DGKI: variants seen among roughly 807,000 people sequenced by gnomAD.
DGKI encodes the protein DAG kinase iota.
Under a neutral mutation model 147.5 loss-of-function variants are expected in DGKI, and 55 were observed. The observed-to-expected ratio is 0.37, with a 90% CI of 0.30 to 0.47. The LOEUF (loss-of-function observed/expected upper bound fraction) is 0.47, where lower values mean the gene tolerates loss of function less well. Among genes scored for constraint, DGKI ranks in the 20% least tolerant of loss-of-function variants. The probability of loss-of-function intolerance (pLI) is 1.00; values close to 1 mark genes in which losing one functional copy is unlikely to be tolerated. For synonymous variants in DGKI, 469 were observed against 477.1 expected (o/e 0.98, Z 0.22); for missense variants, 1,007 against 1,323.8 (o/e 0.76, Z 3.71).
At chr7:137,573,840 G>T (rs2128977204) in intron 17 of DGKI, among the ~76,000 whole-genome samples, 1 of 152,310 alleles carries the variant, frequency 6.6e-6, no homozygotes, top group Middle Eastern at 3.4e-3. Context: ...TTCTGCAAGG[G>T]TATCATCCTT....
At chr7:137,779,912 T>A (rs555355934) in intron 1 of DGKI, among the ~76,000 whole-genome samples, 1 of 152,258 alleles carries the variant, frequency 6.6e-6, no homozygotes, top group South Asian at 2.1e-4. Flanking sequence ...TGAGAGATGA[T>A]GAAGGAGTGA....
At chr7:137,400,030 C>A (rs888060236) in intron 30 of DGKI, among the ~76,000 whole-genome samples, 12 of 152,160 alleles carry the variant, frequency 7.9e-5, no homozygotes, top group African/African-American at 2.4e-4. Context: ...TATTCTCTGT[C>A]CTGATACAGC....
intron 1 of DGKI, among the ~76,000 whole-genome samples, chr7:137,742,597 G>A (rs1453265896): frequency 6.6e-6 from 1 of 152,108 alleles, no homozygotes; most frequent in Non-Finnish European, 1.5e-5. Flanking sequence ...TCAGAGACAG[G>A]TTTGGACCCA....
At chr7:137,786,689 A>C (rs1274919049) in intron 1 of DGKI, among the ~76,000 whole-genome samples, 2 of 152,080 alleles carry the variant, frequency 1.3e-5, no homozygotes, top group African/African-American at 4.8e-5. Context: ...AAAAAAAAAA[A>C]AATCTGGAGG....
chr7:137,638,466 G>GTATATATGTGTA (rs1554446394), intron 6 of DGKI, among the ~76,000 whole-genome samples: 2 of 24,586 alleles, frequency 8.1e-5, no homozygotes, highest in East Asian at 2.2e-3. Context: ...ATATATGTGT[G>GTATATATGTGTA]TATATATGTG....
At chr7:137,670,167 C>A (rs141898449) in intron 3 of DGKI, among the ~76,000 whole-genome samples, 2 of 152,222 alleles carry the variant, frequency 1.3e-5, no homozygotes, top group African/African-American at 4.8e-5. Context: ...GTTTAGTGTT[C>A]TCCAGAACAC....
chr7:137,557,728 G>A (rs1818274402), intron 19 of DGKI, among the ~76,000 whole-genome samples: 1 of 152,092 alleles, frequency 6.6e-6, no homozygotes, highest in Non-Finnish European at 1.5e-5. Flanking sequence ...CTGTCCCTGT[G>A]GCTCCAACTC....
chr7:137,511,116 T>G (rs1446235731), intron 21 of DGKI, among the ~76,000 whole-genome samples: 1 of 152,240 alleles, frequency 6.6e-6, no homozygotes, highest in East Asian at 1.9e-4. Context: ...TGCAAAGATG[T>G]TATTTTCAGA....
chr7:137,413,732 C>T (rs1395128458), intron 28 of DGKI, among the ~76,000 whole-genome samples: 1 of 152,068 alleles, frequency 6.6e-6, no homozygotes, highest in African/African-American at 2.4e-5. Flanking sequence ...GTAAATAGTA[C>T]TAAGATGAAC....
chr7:137,686,740 A>G (rs1422823020), intron 2 of DGKI, among the ~76,000 whole-genome samples: 1 of 152,230 alleles, frequency 6.6e-6, no homozygotes, highest in African/African-American at 2.4e-5. Flanking sequence ...GTCTATGCGC[A>G]CTAAATCAGT....
intron 1 of DGKI, among the ~76,000 whole-genome samples, chr7:137,719,853 C>T (rs1794492279): frequency 1.3e-5 from 2 of 151,994 alleles, no homozygotes; most frequent in Admixed American, 1.3e-4. Flanking sequence ...ATTCTAAATT[C>T]ACCTAAAATC....
chr7:137,712,994 C>T (rs573306087), intron 1 of DGKI, among the ~76,000 whole-genome samples: 250 of 152,248 alleles, frequency 1.6e-3, no homozygotes, highest in African/African-American at 5.7e-3. Flanking sequence ...AAGATCTAGA[C>T]AAAACACCCT....
intron 21 of DGKI, among the ~76,000 whole-genome samples, chr7:137,505,982 A>C (rs900160505): frequency 8.5e-5 from 13 of 152,214 alleles, no homozygotes; most frequent in Non-Finnish European, 1.9e-4. Flanking sequence ...GATGTGGAGC[A>C]ATAGGAACAT....
chr7:137,806,743 C>T (rs1239774667), intron 1 of DGKI, among the ~76,000 whole-genome samples: 1 of 152,172 alleles, frequency 6.6e-6, no homozygotes, highest in Non-Finnish European at 1.5e-5. Context: ...TGAACCTCTG[C>T]ATCTATGCTC....
At chr7:137,513,036 G>A (rs1816629620) in intron 21 of DGKI, among the ~76,000 whole-genome samples, 1 of 152,126 alleles carries the variant, frequency 6.6e-6, no homozygotes, top group South Asian at 2.1e-4. Flanking sequence ...CAGCAATTCT[G>A]CCGAACCCTG....
chr7:137,411,611 AGTCT>A (rs1167359398), intron 29 of DGKI, among the ~76,000 whole-genome samples: 1 of 152,210 alleles, frequency 6.6e-6, no homozygotes, highest in Admixed American at 6.5e-5. Context: ...AAACTTAGAA[AGTCT>A]GACTTCAGAT....
chr7:137,486,250 T>C (rs1815554293), intron 22 of DGKI, among the ~76,000 whole-genome samples: 1 of 152,146 alleles, frequency 6.6e-6, no homozygotes, highest in Non-Finnish European at 1.5e-5. Flanking sequence ...TTAAGCATGC[T>C]ATTAAGTTAG....
intron 1 of DGKI, among the ~76,000 whole-genome samples, chr7:137,739,870 A>C (rs1348201249): frequency 1.3e-5 from 2 of 152,200 alleles, no homozygotes; most frequent in Non-Finnish European, 2.9e-5. Flanking sequence ...AATGGCAGTC[A>C]AGAAAAGGTT....
chr7:137,670,533 A>T (rs550891675), intron 3 of DGKI, among the ~76,000 whole-genome samples: 2 of 152,296 alleles, frequency 1.3e-5, no homozygotes, highest in South Asian at 4.1e-4. Context: ...CACTGAGAGC[A>T]CCCCACTCTC....
Sources: gnomAD v4.1 joint callset for allele counts (sites outside exome capture counted in the v4.1 genomes callset) on GRCh38, gnomAD v4.1.1 for gene constraint, MANE v1.5 for transcripts, NCBI Gene and HGNC (gene_info 2026-07-23, HGNC 2026-07-21) for gene names.